GASK1B: variants seen among roughly 807,000 people sequenced by gnomAD.
GASK1B encodes Golgi-associated kinase 1B.
A neutral mutation model predicts 42.8 loss-of-function variants in GASK1B; 34 were observed. That is an observed-to-expected ratio of 0.79 (90% CI 0.60 to 1.06). GASK1B has a LOEUF of 1.06. Ranked by LOEUF, GASK1B falls within the 50% of genes least tolerant of loss-of-function variation. The pLI, the probability that GASK1B is intolerant of heterozygous loss-of-function variation, is 0.00. For missense variants in GASK1B, 686 were observed against 661.0 expected, an observed-to-expected ratio of 1.04 and a Z score of -0.42; for synonymous variants, 262 against 259.1, an observed-to-expected ratio of 1.01 and a Z score of -0.11.
chr4:158,129,734 A>C (rs1730603481), intron 4 of GASK1B, among the ~76,000 whole-genome samples: 1 of 152,158 alleles, frequency 6.6e-6, no homozygotes, highest in Non-Finnish European at 1.5e-5. Flanking sequence ...TGAGGTTTCC[A>C]GCAGTCACCT....
At chr4:158,140,495 GC>G (rs1474579750) in intron 3 of GASK1B, among the ~76,000 whole-genome samples, 2 of 152,140 alleles carry the variant, frequency 1.3e-5, no homozygotes, top group Non-Finnish European at 2.9e-5. Flanking sequence ...TATACATTGA[GC>G]CCAATGAGTA....
Position 158,139,618 on chromosome 4 carries a change from T to A in GASK1B, c.1126-8606A>T, listed in dbSNP as rs11944595. ...ACTGAGGACCCCCTAAGAGTATTCA[T>A]TTGTGGTTATTTACCATATTAAATG... On this transcript the variant is annotated intron_variant, in intron 3 of 4. Coordinates refer to ENST00000585682, the MANE Select transcript of GASK1B (RefSeq NM_001128424.2). Among the ~76,000 whole-genome samples the A allele has an allele frequency of 3.0e-3, 452 of 152,306 alleles. 1 individual carries two copies. The highest frequency in any genetic ancestry group is 0.011 in the African/African-American group (440 of 41,578).
Position 158,127,267 on chromosome 4 carries a change from T to G in GASK1B, c.*140A>C. 1 of 686,916 alleles carries G rather than the reference T, an allele frequency of 1.5e-6. No homozygotes were observed. The highest frequency in any genetic ancestry group is 2.6e-5 in the Admixed American group (1 of 38,670). 42.6% of individuals were successfully genotyped at this position (686,916 alleles called of 1,614,324 possible). ...ATACAGTGCTAAGTCCCATTATAGCTACTTGGTTAAAGTCATTTATTTTAC... is the reference window on the plus strand; with the variant it reads ...ATACAGTGCTAAGTCCCATTATAGCGACTTGGTTAAAGTCATTTATTTTAC... On this transcript the variant is annotated 3_prime_UTR_variant, in exon 5 of 5. Transcript: ENST00000585682.
rs200995340 is a variant in GASK1B at position 158,171,089 on chromosome 4, T to C, written c.287A>G (p.Gln96Arg). The change falls in exon 2 of 5, where the codon CAG becomes CGG. Residue 96 changes from glutamine to arginine, a missense_variant. Gln to Arg is a conservative substitution (Grantham distance 43, BLOSUM62 1). Coordinates refer to ENST00000585682, the MANE Select transcript of GASK1B (RefSeq NM_001128424.2). Reference protein sequence around the residue: ...LDGTLAPPESQGNGSTLQPNV... With the variant: ...LDGTLAPPESRGNGSTLQPNV... ...GGGCTGCAGAGTGGACCCATTGCCC[T>C]GGGACTCTGGAGGGGCCAGGGTACC... The C allele has an allele frequency of 6.7e-5, 108 of 1,609,952 alleles. No individual in the cohort carries two copies. Among genetic ancestry groups the C allele is most frequent in the Non-Finnish European group, 8.6e-5 (101 of 1,176,790 alleles).
rs1012756502 is a variant in GASK1B, at chr4:158,125,046, G to A, written c.*2361C>T. The A allele has an allele frequency of 7.2e-5, 11 of 152,096 alleles. No homozygotes were observed. The highest frequency in any genetic ancestry group is 6.2e-4 in the South Asian group (3 of 4,806). The allele number at this position is 152,096 out of a possible 1,614,324, so 9.4% of individuals were successfully genotyped here. Reference sequence around the variant, plus strand: ...ATGTGAATAAAACCACAGCATAATCGGAGTGCATTTGAAATGCACAGAGTA... The same window carrying A: ...ATGTGAATAAAACCACAGCATAATCAGAGTGCATTTGAAATGCACAGAGTA... On this transcript the variant is annotated 3_prime_UTR_variant, in exon 5 of 5. Coordinates refer to ENST00000585682, the MANE Select transcript of GASK1B (RefSeq NM_001128424.2).
intron 3 of GASK1B, among the ~76,000 whole-genome samples, chr4:158,136,968 A>G (rs937113056): frequency 6.6e-6 from 1 of 152,216 alleles, no homozygotes; most frequent in African/African-American, 2.4e-5. Context: ...GGCTATTTAC[A>G]ATGCTCCTCC....
rs1732457563 is a variant in GASK1B, at chr4:158,170,666, G to GGCC, written c.707_709dup (p.Arg236dup). 1 of 1,613,964 alleles carries GGCC rather than the reference G, an allele frequency of 6.2e-7. No individual in the cohort carries two copies. Among genetic ancestry groups the GGCC allele is most frequent in the African/African-American group, 1.3e-5 (1 of 74,960 alleles). On this transcript the variant is annotated inframe_insertion, in exon 2 of 5. Coordinates refer to ENST00000585682, the MANE Select transcript of GASK1B (RefSeq NM_001128424.2). The stretch of plus-strand genomic sequence containing the variant: ...ACGGGCTCCGCTCCTAGAGGACACA[G>GGCC]GCCGGAGCCCTGCCACTGCGCTGTC...
At chr4:158,152,130 T>A (rs58801887) in intron 3 of GASK1B, among the ~76,000 whole-genome samples, 85 of 152,220 alleles carry the variant, frequency 5.6e-4, no homozygotes, top group African/African-American at 1.9e-3. Flanking sequence ...TTTGCCAGGG[T>A]CTCTCAGGCC....
In GASK1B at chr4:158,131,716, T is replaced by C. The variant is rs573623096; in HGVS notation, c.1126-704A>G. Among the ~76,000 whole-genome samples, 62 of 152,212 alleles carry C rather than the reference T, an allele frequency of 4.1e-4. No individual in the cohort carries two copies. In the South Asian group the frequency reaches 4.1e-3, roughly 10 times the overall value. On this transcript the variant is annotated intron_variant, in intron 3 of 4. Coordinates refer to ENST00000585682, the MANE Select transcript of GASK1B (RefSeq NM_001128424.2). The stretch of plus-strand genomic sequence containing the variant: ...CATTTCCATTGGGTAAGGAAAGAAA[T>C]AATATTTATGAATCAGGTAAAATAA...
At chr4:158,138,443 C>A (rs918785699) in intron 3 of GASK1B, among the ~76,000 whole-genome samples, 6 of 152,074 alleles carry the variant, frequency 3.9e-5, no homozygotes, top group Non-Finnish European at 8.8e-5. Flanking sequence ...AATGAAATAA[C>A]CTTACTGTAA....
chr4:158,133,607 A>T (rs1231223274), intron 3 of GASK1B, among the ~76,000 whole-genome samples: 1 of 152,218 alleles, frequency 6.6e-6, no homozygotes, highest in African/African-American at 2.4e-5. Flanking sequence ...TAAACTACAC[A>T]AAAGCATTAA....
Position 158,135,080 on chromosome 4 carries a change from C to T in GASK1B, c.1126-4068G>A, listed in dbSNP as rs532496584. ...GAGCATGCTGGCTCATGCCTGTAAT[C>T]CCAGCACTTTGGAAGGCTGAGGTGG... On this transcript the variant is annotated intron_variant, in intron 3 of 4. Transcript: ENST00000585682. 2.6e-5 allele frequency among the ~76,000 whole-genome samples: 4 copies of T among 152,052 alleles called. No individual in the cohort carries two copies. In the South Asian group the frequency reaches 8.3e-4, roughly 32 times the overall value.
rs79033147 is a variant in GASK1B, at chr4:158,130,593, G to A, written c.1352+193C>T. Among the ~76,000 whole-genome samples the A allele has an allele frequency of 2.2e-3, 328 of 152,282 alleles. 1 individual carries two copies. Among genetic ancestry groups the A allele is most frequent in the South Asian group, 8.1e-3 (39 of 4,828 alleles). On this transcript the variant is annotated intron_variant, in intron 4 of 4. Coordinates refer to ENST00000585682, the MANE Select transcript of GASK1B (RefSeq NM_001128424.2). ...TTGTAGGCGGTATTGGTTGTTGATAGAGGCGCTATGGCTGCACTCTGGTTC... is the reference window on the plus strand; with the variant it reads ...TTGTAGGCGGTATTGGTTGTTGATAAAGGCGCTATGGCTGCACTCTGGTTC...
At position 158,152,562 on chromosome 4, in the gene GASK1B, G is replaced by A. The variant is rs560801396; in HGVS notation, c.1125+3049C>T. 4.6e-5 allele frequency among the ~76,000 whole-genome samples: 7 copies of A among 151,618 alleles called. No homozygotes were observed. In the East Asian group the frequency reaches 1.4e-3, roughly 29 times the overall value. On this transcript the variant is annotated intron_variant, in intron 3 of 4. Transcript: ENST00000585682. The stretch of plus-strand genomic sequence containing the variant: ...AACAAAAAAAAAAGAGGAAACTACA[G>A]ACCAATATCCCTGATGAGCAAAGAT...
chr4:158,153,751 G>C (rs890785651), intron 3 of GASK1B, among the ~76,000 whole-genome samples: 1 of 152,104 alleles, frequency 6.6e-6, no homozygotes, highest in African/African-American at 2.4e-5. Context: ...AACATAAAGT[G>C]GGTAAAGGAC....
chr4:158,135,709 G>T (rs141160012), intron 3 of GASK1B, among the ~76,000 whole-genome samples: 1 of 151,892 alleles, frequency 6.6e-6, no homozygotes, highest in African/African-American at 2.4e-5. Flanking sequence ...AAAAGGAGGC[G>T]CATTTGTGTA....
At chr4:158,131,159 G>T in intron 3 of GASK1B, 147 bp from the exon 4 acceptor site, 1 of 656,692 alleles carries the variant, frequency 1.5e-6, no homozygotes, top group Middle Eastern at 4.1e-4. Context: ...GCAACTGTCA[G>T]AACAAGTCCA....
At chr4:158,136,751 A>G (rs188889431) in intron 3 of GASK1B, among the ~76,000 whole-genome samples, 1 of 152,176 alleles carries the variant, frequency 6.6e-6, no homozygotes. Context: ...TCTCTTTTCA[A>G]ATGATTTGTT....
rs200249290 is a variant in GASK1B at position 158,170,811 on chromosome 4, G to C, written c.565C>G (p.Arg189Gly). Residue 189 changes from arginine (R) to glycine (G), a missense_variant, in exon 2 of 5, where the codon CGA becomes GGA. Coordinates refer to ENST00000585682, the MANE Select transcript of GASK1B (RefSeq NM_001128424.2). Reference sequence around the variant, plus strand: ...TGCAGGAAGTCTGGGCCCCCGGCTCGCACTCCCGGACCCCGCACCAACCTC... The same window carrying C: ...TGCAGGAAGTCTGGGCCCCCGGCTCCCACTCCCGGACCCCGCACCAACCTC... ...PWRLVRGPGVRAGGPDFLQPS... is the reference protein window; with the variant it reads ...PWRLVRGPGVGAGGPDFLQPS... 43 of 1,614,146 alleles carry C rather than the reference G, an allele frequency of 2.7e-5. No homozygotes were observed. The Admixed American group carries it at 2.7e-4, about 10-fold the overall frequency.
Sources: allele counts gnomAD v4.1 joint callset (sites outside exome capture counted in the v4.1 genomes callset), GRCh38; gene constraint gnomAD v4.1.1; transcripts MANE v1.5; gene names NCBI Gene and HGNC (gene_info 2026-07-23, HGNC 2026-07-21).